The following CLEC4G variants were observed in gnomAD, a reference collection of about 807,000 sequenced individuals.
The protein encoded by CLEC4G is C-type lectin domain family 4 member G, also known as C-type lectin superfamily 4, member G.
A neutral mutation model predicts 37.0 loss-of-function variants in CLEC4G; 34 were observed. The ratio of observed to expected loss-of-function variants is 0.92; its 90% confidence interval spans 0.70 to 1.22. CLEC4G has a LOEUF of 1.22. Ranked by LOEUF, CLEC4G falls within the 50% of genes most tolerant of loss-of-function variation. CLEC4G has a pLI of 0.00. For synonymous variants in CLEC4G, 167 were observed against 165.6 expected, an observed-to-expected ratio of 1.01 and a Z score of -0.06; for missense variants, 390 against 392.9, an observed-to-expected ratio of 0.99 and a Z score of 0.06.
At chr19:7,731,883 C>T (rs2033439027) in intron 1 of CLEC4G, 112 bp from the exon 2 acceptor site, 5 of 1,527,796 alleles carry the variant, frequency 3.3e-6, no homozygotes, top group Non-Finnish European at 3.5e-6. Flanking sequence ...TATGGTCACA[C>T]AGCTTCTAAG....
rs1482931657 is a variant in CLEC4G, at chr19:7,730,320, C to G, written c.478+31G>C. The G allele has an allele frequency of 6.3e-7, 1 of 1,588,616 alleles. No individual in the cohort carries two copies. The highest frequency in any genetic ancestry group is 8.5e-7 in the Non-Finnish European group (1 of 1,171,444). On this transcript the variant is annotated intron_variant, in intron 6 of 8. Transcript: ENST00000328853. The surrounding 1 kb of genome is among the most constrained non-coding windows in gnomAD (Gnocchi z 7.3). Reference sequence around the variant, plus strand: ...GTGACAGGGTCCGCTTACGCCCTCACAGCCCGCCCCCGACCCCCCGTCTCG... The same window carrying G: ...GTGACAGGGTCCGCTTACGCCCTCAGAGCCCGCCCCCGACCCCCCGTCTCG...
rs768687262 is a variant in CLEC4G, at chr19:7,729,360, G to A, written c.*6C>T. On this transcript the variant is annotated 3_prime_UTR_variant, in exon 9 of 9. Coordinates refer to ENST00000328853, the MANE Select transcript of CLEC4G (RefSeq NM_198492.4). ...AATGGGCGCGGCTCCAGGGCACTGG[G>A]CGGGGTCAGCAGTTGTGCCTTTTCT... is the stretch of plus-strand genomic sequence containing the variant. 36 of 1,598,474 alleles carry A rather than the reference G, an allele frequency of 2.3e-5. No individual in the cohort carries two copies. The Admixed American group carries it at 5.8e-4, about 26-fold the overall frequency.
chr19:7,730,361 C>T lies in CLEC4G; in HGVS notation c.468G>A (p.Arg156=), dbSNP rs1243236173. The change falls in exon 6 of 9, where the codon AGG becomes AGA. Residue 156 remains arginine (R), a synonymous_variant. Coordinates refer to ENST00000328853, the MANE Select transcript of CLEC4G (RefSeq NM_198492.4). The surrounding 1 kb of genome is among the most constrained non-coding windows in gnomAD (Gnocchi z 7.3). ...TELFRALEAV[R]LQNNSCEPCP... is the part of the protein sequence containing the mutation. ...CCCCGTCTCGCTCACTGTTCTGGAG[C>T]CTCACGGCCTCCAGCGCCCGGAACA... is the stretch of plus-strand genomic sequence containing the variant. The T allele has an allele frequency of 6.2e-7, 1 of 1,603,116 alleles. No homozygotes were observed. The highest frequency in any genetic ancestry group is 1.3e-5 in the African/African-American group (1 of 75,030).
At chr19:7,731,561 C>T in intron 2 of CLEC4G, 100 bp downstream of exon 2, 7 of 1,507,490 alleles carry the variant, frequency 4.6e-6, no homozygotes, top group Non-Finnish European at 6.2e-6. Flanking sequence ...CACACTCAGA[C>T]GCGAACAGGA....
In CLEC4G at chr19:7,729,075, T is replaced by G; in HGVS notation, c.*291A>C. Reference sequence around the variant, plus strand: ...CCAGTCCTCAGTCACCTAACCTTGGTTAGGGAGAGAAGTGGAGGCATATCA... The same window carrying G: ...CCAGTCCTCAGTCACCTAACCTTGGGTAGGGAGAGAAGTGGAGGCATATCA... On this transcript the variant is annotated 3_prime_UTR_variant, in exon 9 of 9. Coordinates refer to ENST00000328853, the MANE Select transcript of CLEC4G (RefSeq NM_198492.4). 9.8e-6 allele frequency: 5 copies of G among 512,524 alleles called. No individual in the cohort carries two copies. Among genetic ancestry groups the G allele is most frequent in the East Asian group, 4.3e-5 (1 of 23,492 alleles). 31.7% of individuals were successfully genotyped at this position (512,524 alleles called of 1,614,324 possible).
At position 7,730,921 on chromosome 19, in the gene CLEC4G, G is replaced by GCCCCCAC; in HGVS notation, c.284-63_284-62insGTGGGGG. 1 of 1,497,756 alleles carries GCCCCCAC rather than the reference G, an allele frequency of 6.7e-7. No individual in the cohort carries two copies. The allele number at this position is 1,497,756 out of a possible 1,614,324, so 92.8% of individuals were successfully genotyped here. On this transcript the variant is annotated intron_variant, in intron 4 of 8. Coordinates refer to ENST00000328853, the MANE Select transcript of CLEC4G (RefSeq NM_198492.4). The surrounding 1 kb of genome is among the most constrained non-coding windows in gnomAD (Gnocchi z 7.3). Reference sequence around the variant, plus strand: ...GGATGGGGCGGGACTTCGGAGACCAGCCCCCGCCCCGCACCACCCGCCGCA... The same window carrying GCCCCCAC: ...GGATGGGGCGGGACTTCGGAGACCAGCCCCCACCCCCCGCCCCGCACCACCCGCCGCA...
At chr19:7,731,803 C>G in intron 1 of CLEC4G, 32 bp from the exon 2 acceptor site, 1 of 1,600,526 alleles carries the variant, frequency 6.2e-7, no homozygotes, top group African/African-American at 1.3e-5. Flanking sequence ...GCTGGGTCCC[C>G]CAGAACTGAG....
chr19:7,729,083 A>T lies in CLEC4G; in HGVS notation c.*283T>A. 1 of 547,036 alleles carries T rather than the reference A, an allele frequency of 1.8e-6. No homozygotes were observed. 33.9% of individuals were successfully genotyped at this position (547,036 alleles called of 1,614,324 possible). A position where few individuals can be genotyped will look rare whatever the true frequency, so the allele number is the denominator to read the frequency against. On this transcript the variant is annotated 3_prime_UTR_variant, in exon 9 of 9. Coordinates refer to ENST00000328853, the MANE Select transcript of CLEC4G (RefSeq NM_198492.4). ...CAGTCACCTAACCTTGGTTAGGGAG[A>T]GAAGTGGAGGCATATCACGGGGACG...
rs1263392025 is a variant in CLEC4G, at chr19:7,730,500, CT to C, written c.389-61del. 6.3e-7 allele frequency: 1 copy of C among 1,579,550 alleles called. No individual in the cohort carries two copies. Among genetic ancestry groups the C allele is most frequent in the Non-Finnish European group, 8.5e-7 (1 of 1,170,878 alleles). ...GTCAGGGCCAGGACCAGGGTCATGA[CT>C]AGCTAAAGGTCAGGACCCCTGTCTG... On this transcript the variant is annotated intron_variant, in intron 5 of 8. Transcript: ENST00000328853. This position sits in a 1 kb window ranked among gnomAD's most constrained non-coding sequence, Gnocchi z 7.3.
In CLEC4G at chr19:7,729,386, C is replaced by G. The variant is rs2033391638; in HGVS notation, c.862G>C (p.Glu288Gln). 6.2e-7 allele frequency: 1 copy of G among 1,609,732 alleles called. No homozygotes were observed. The highest frequency in any genetic ancestry group is 1.3e-5 in the African/African-American group (1 of 74,820). Residue 288 changes from glutamate (E) to glutamine (Q), a missense_variant, in exon 9 of 9, where the codon GAG becomes CAG. Coordinates refer to ENST00000328853, the MANE Select transcript of CLEC4G (RefSeq NM_198492.4). The part of the protein sequence containing the change: ...CDSEKDGWIC[E>Q]KRHNC ...CGGGGTCAGCAGTTGTGCCTTTTCT[C>G]ACAGATCCAGCCGTCCTTCTCGCTG... is the stretch of plus-strand genomic sequence containing the variant.
rs73921547 is a variant in CLEC4G at position 7,731,939 on chromosome 19, G to C, written c.55+109C>G. ...CCTGGTCCAACTGGCTCTATGGCCT[G>C]TGGTGTCTCTCCTGCACCCACAACC... On this transcript the variant is annotated intron_variant, in intron 1 of 8. Transcript: ENST00000328853. 2,050 of 1,472,416 alleles carry C rather than the reference G, an allele frequency of 1.4e-3. 25 individuals are homozygous for C. The African/African-American group carries it at 0.025, about 18-fold the overall frequency. The allele number at this position is 1,472,416 out of a possible 1,614,324, so 91.2% of individuals were successfully genotyped here.
At position 7,730,288 on chromosome 19, in the gene CLEC4G, T is replaced by A. The variant is rs2033408338; in HGVS notation, c.478+63A>T. On this transcript the variant is annotated intron_variant, in intron 6 of 8. Coordinates refer to ENST00000328853, the MANE Select transcript of CLEC4G (RefSeq NM_198492.4). This position sits in a 1 kb window ranked among gnomAD's most constrained non-coding sequence, Gnocchi z 7.3. ...GTGGAGACACAGAACCAGGCCAAGGTCCAGGAGTGACAGGGTCCGCTTACG... is the reference window on the plus strand; with the variant it reads ...GTGGAGACACAGAACCAGGCCAAGGACCAGGAGTGACAGGGTCCGCTTACG... 4 of 1,577,816 alleles carry A rather than the reference T, an allele frequency of 2.5e-6. No individual in the cohort carries two copies. The South Asian group carries it at 4.6e-5, about 18-fold the overall frequency.
chr19:7,730,235 G>A lies in CLEC4G; in HGVS notation c.479-68C>T, dbSNP rs1744359649. On this transcript the variant is annotated intron_variant, in intron 6 of 8. Transcript: ENST00000328853. The surrounding 1 kb of genome is among the most constrained non-coding windows in gnomAD (Gnocchi z 7.3). ...GCAACGCACCGAGAGGATGCAGTGG[G>A]TAGGGGTTCGGCCCCGCGGGCTCAG... The A allele has an allele frequency of 6.3e-7, 1 of 1,585,196 alleles. No homozygotes were observed.
rs766542690 is a variant in CLEC4G, at chr19:7,731,755, C to T, written c.72G>A (p.Trp24Ter). 19 of 1,613,632 alleles carry T rather than the reference C, an allele frequency of 1.2e-5. No homozygotes were observed. The Admixed American group carries it at 3.2e-4, about 27-fold the overall frequency. ...EEVPGGPWGR[W>*]VHWSRRPLFL... ...AGAGGGGTCTCCTGCTCCAGTGCAC[C>T]CAGCGTCCCCAGGGCCCTGGCATAA... The change falls in exon 2 of 9, where the codon TGG (tryptophan) becomes TGA (stop). Residue 24 changes from tryptophan (W) to a stop codon, truncating the protein, a stop_gained. Coordinates refer to ENST00000328853, the MANE Select transcript of CLEC4G (RefSeq NM_198492.4). LOFTEE classifies it high-confidence loss of function.
chr19:7,729,466 C>G lies in CLEC4G; in HGVS notation c.782G>C (p.Arg261Pro). 1 of 1,604,606 alleles carries G rather than the reference C, an allele frequency of 6.2e-7. No individual in the cohort carries two copies. Among genetic ancestry groups the G allele is most frequent in the Non-Finnish European group, 8.5e-7 (1 of 1,171,622 alleles). Residue 261 changes from arginine to proline, a missense_variant, in exon 9 of 9, where the codon CGC (arginine) becomes CCC (proline). Arg to Pro is a moderately radical substitution (Grantham distance 103). Transcript: ENST00000328853. ...NQGEPNDAWG[R>P]ENCVMMLHTG... Reference sequence around the variant, plus strand: ...GTGCAGCATCATGACACAGTTCTCGCGCCCCCAAGCGTCATTGGGCTCTCC... The same window carrying G: ...GTGCAGCATCATGACACAGTTCTCGGGCCCCCAAGCGTCATTGGGCTCTCC...
Position 7,730,130 on chromosome 19 carries a change from G to C in CLEC4G, c.516C>G (p.Phe172Leu). ...CAGAGAAAAAGTAGCAGGAGCCCTC[G>C]AAGGACAGCCACGACGTGGGGCACG... ...CEPCPTSWLS[F>L]EGSCYFFSVP... Residue 172 changes from phenylalanine to leucine, a missense_variant, in exon 7 of 9, where the codon TTC (phenylalanine) becomes TTG (leucine). By Grantham distance (22) the Phe-to-Leu change is conservative (BLOSUM62 0). Coordinates refer to ENST00000328853, the MANE Select transcript of CLEC4G (RefSeq NM_198492.4). This position sits in a 1 kb window ranked among gnomAD's most constrained non-coding sequence, Gnocchi z 7.3. The C allele has an allele frequency of 6.2e-7, 1 of 1,612,824 alleles. No homozygotes were observed. The highest frequency in any genetic ancestry group is 8.5e-7 in the Non-Finnish European group (1 of 1,179,662).
Position 7,729,954 on chromosome 19 carries a change from T to G in CLEC4G, c.628-18A>C. ...AGGAAGCCCTAGAAAGGAGGGGACA[T>G]CTGAGCCTGCAGAGTCCGCCCCGCC... is the stretch of plus-strand genomic sequence containing the variant. On this transcript the variant is annotated intron_variant, in intron 7 of 8. Coordinates refer to ENST00000328853, the MANE Select transcript of CLEC4G (RefSeq NM_198492.4). The G allele has an allele frequency of 1.2e-6, 2 of 1,613,344 alleles. No homozygotes were observed. The highest frequency in any genetic ancestry group is 2.2e-5 in the East Asian group (1 of 44,848).
intron 8 of CLEC4G, 59 bp downstream of exon 8, chr19:7,729,762 T>A: frequency 1.3e-6 from 2 of 1,599,788 alleles, no homozygotes; most frequent in Non-Finnish European, 1.7e-6. Context: ...AGCCAAAGCA[T>A]GTCCTCTAGA....
At chr19:7,731,942 G>A in intron 1 of CLEC4G, 106 bp downstream of exon 1, 6 of 1,466,852 alleles carry the variant, frequency 4.1e-6, no homozygotes, top group South Asian at 3.6e-5. Flanking sequence ...ATGGCCTGTG[G>A]TGTCTCTCCT....
Sources: gnomAD v4.1 joint callset for allele counts on GRCh38, gnomAD v4.1.1 for gene constraint, Gnocchi (gnomAD v3.1) non-coding constraint, MANE v1.5 for transcripts, NCBI Gene and HGNC (gene_info 2026-07-23, HGNC 2026-07-21) for gene names.